RAB3C: variants seen among roughly 807,000 people sequenced by gnomAD.
RAB3C encodes ras-related protein Rab-3C.
A neutral mutation model predicts 26.4 loss-of-function variants in RAB3C; 17 were observed. The ratio of observed to expected loss-of-function variants is 0.64; its 90% CI spans 0.44 to 0.97. RAB3C has a LOEUF of 0.97. RAB3C is among the 50% of genes least tolerant of loss of function. The pLI is 0.00. For missense variants in RAB3C, 242 were observed against 281.9 expected, an observed-to-expected ratio of 0.86 and a Z score of 1.01; for synonymous variants, 91 against 95.9, an observed-to-expected ratio of 0.95 and a Z score of 0.30.
chr5:58,651,353 G>A (rs1747644977), intron 2 of RAB3C, among the ~76,000 whole-genome samples: 1 of 152,136 alleles, frequency 6.6e-6, no homozygotes, highest in Admixed American at 6.5e-5. Flanking sequence ...GAAACTGTTA[G>A]TGGTTCTTTG....
chr5:58,582,303 T>C, upstream of RAB3C: 1 of 602,916 alleles, frequency 1.7e-6, no homozygotes, highest in Non-Finnish European at 2.1e-6. Flanking sequence ...CCTTCTATTG[T>C]GTTGTGCCTT....
At position 58,853,890 on chromosome 5, in the gene RAB3C, T is replaced by C. The variant is rs1384862172; in HGVS notation, c.*2539T>C. On this transcript the variant is annotated 3_prime_UTR_variant, in exon 5 of 5. Transcript: ENST00000282878. ...GAACACTTAAATGCTCCTGCTGTAA[T>C]TGCATCAAAAAATCCGGGTTTTAAC... The C allele has an allele frequency of 1.3e-5, 2 of 152,116 alleles. No homozygotes were observed. Among genetic ancestry groups the C allele is most frequent in the African/African-American group, 2.4e-5 (1 of 41,438 alleles). 9.4% of individuals were successfully genotyped at this position (152,116 alleles called of 1,614,324 possible). A position where few individuals can be genotyped will look rare whatever the true frequency, so the allele number is the denominator to read the frequency against.
At chr5:58,637,098 C>CATT (rs1747306008) in intron 2 of RAB3C, among the ~76,000 whole-genome samples, 1 of 142,206 alleles carries the variant, frequency 7.0e-6, no homozygotes. Context: ...TTTCAAAGAA[C>CATT]TTTTTTTTTT....
At chr5:58,798,492 A>G (rs1742726120) in intron 3 of RAB3C, among the ~76,000 whole-genome samples, 1 of 152,150 alleles carries the variant, frequency 6.6e-6, no homozygotes, top group Non-Finnish European at 1.5e-5. Context: ...AAGATTCAAA[A>G]TGCTCTGAAA....
intron 2 of RAB3C, among the ~76,000 whole-genome samples, chr5:58,703,717 A>G (rs777365726): frequency 1.1e-4 from 16 of 152,108 alleles, no homozygotes; most frequent in Non-Finnish European, 1.6e-4. Flanking sequence ...ACCCTGTCCT[A>G]CTGAATATGT....
intron 2 of RAB3C, among the ~76,000 whole-genome samples, chr5:58,653,749 C>A (rs1232066554): frequency 6.6e-6 from 1 of 152,162 alleles, no homozygotes; most frequent in Non-Finnish European, 1.5e-5. Flanking sequence ...GTGATGGCCA[C>A]TGAAGCACAT....
At chr5:58,601,205 T>C (rs1432780575) in intron 1 of RAB3C, among the ~76,000 whole-genome samples, 4 of 152,176 alleles carry the variant, frequency 2.6e-5, no homozygotes, top group Non-Finnish European at 4.4e-5. Context: ...CTCTTGATCA[T>C]GGTGGATTAT....
In RAB3C at chr5:58,858,595, C is replaced by T. The variant is rs1744315748; in HGVS notation, c.*7244C>T. ...AGAGGGCTCCATTGAAGAGGTCAAA[C>T]ATAATTCCGGAAAGAATTAGGTAGT... On this transcript the variant is annotated 3_prime_UTR_variant, in exon 5 of 5. Coordinates refer to ENST00000282878, the MANE Select transcript of RAB3C (RefSeq NM_138453.4). 2 of 152,124 alleles carry T rather than the reference C, an allele frequency of 1.3e-5. No homozygotes were observed. Among genetic ancestry groups the T allele is most frequent in the African/African-American group, 4.8e-5 (2 of 41,420 alleles). The allele number at this position is 152,124 out of a possible 1,614,324, so 9.4% of individuals were successfully genotyped here. A position where few individuals can be genotyped will look rare whatever the true frequency, so the allele number is the denominator to read the frequency against.
At chr5:58,847,152 G>T (rs1371194506) in intron 4 of RAB3C, 1 of 152,178 alleles carries the variant, frequency 6.6e-6, no homozygotes, top group African/African-American at 2.4e-5. Context: ...TTAAGTGAAA[G>T]GCTTCACTGA....
chr5:58,634,904 T>C (rs1008848788), intron 2 of RAB3C, among the ~76,000 whole-genome samples: 1 of 152,154 alleles, frequency 6.6e-6, no homozygotes, highest in Non-Finnish European at 1.5e-5. Context: ...GAAGACTTAT[T>C]TCAAGATGAA....
At chr5:58,713,671 A>G (rs1447802398) in intron 2 of RAB3C, among the ~76,000 whole-genome samples, 1 of 152,230 alleles carries the variant, frequency 6.6e-6, no homozygotes, top group Non-Finnish European at 1.5e-5. Context: ...ATATAACAAG[A>G]ATCTTTAAAA....
In RAB3C at chr5:58,854,218, CTT is replaced by C. The variant is rs1383772555; in HGVS notation, c.*2868_*2869del. On this transcript the variant is annotated 3_prime_UTR_variant, in exon 5 of 5. Transcript: ENST00000282878. Reference sequence around the variant, plus strand: ...GTTTGTAAGTTATACACATTTATCTCTTGTCTTTGATTTAATTAAATTAGTGT... The same window carrying C: ...GTTTGTAAGTTATACACATTTATCTCGTCTTTGATTTAATTAAATTAGTGT... 2.0e-5 allele frequency: 3 copies of C among 152,204 alleles called. No homozygotes were observed. The highest frequency in any genetic ancestry group is 4.1e-4 in the South Asian group (2 of 4,822). 9.4% of individuals were successfully genotyped at this position (152,204 alleles called of 1,614,324 possible). A position where few individuals can be genotyped will look rare whatever the true frequency, so the allele number is the denominator to read the frequency against.
At chr5:58,851,140 T>C (rs777555154) in intron 4 of RAB3C, 24 bp from the exon 5 acceptor site, 1 of 1,567,742 alleles carries the variant, frequency 6.4e-7, no homozygotes, top group South Asian at 1.2e-5. Context: ...ATAACCAAGA[T>C]GTGTTTCTGT....
At chr5:58,776,348 A>G (rs1156632067) in intron 3 of RAB3C, among the ~76,000 whole-genome samples, 1 of 151,974 alleles carries the variant, frequency 6.6e-6, no homozygotes, top group Non-Finnish European at 1.5e-5. Context: ...TACACCTTAA[A>G]TATTGGTGTT....
intron 2 of RAB3C, among the ~76,000 whole-genome samples, chr5:58,619,227 C>A (rs1579820594): frequency 2.6e-5 from 4 of 152,092 alleles, no homozygotes; most frequent in South Asian, 2.1e-4. Context: ...TACAAGTAGA[C>A]CTTAGGCTGG....
chr5:58,617,779 C>T lies in RAB3C; in HGVS notation c.161C>T (p.Ser54Phe), dbSNP rs1216911508. 6 of 1,612,726 alleles carry T rather than the reference C, an allele frequency of 3.7e-6. No homozygotes were observed. The highest frequency in any genetic ancestry group is 1.3e-5 in the African/African-American group (1 of 74,882). The change falls in exon 2 of 5, where the codon TCC (serine) becomes TTC (phenylalanine). Residue 54 changes from serine (S) to phenylalanine (F), a missense_variant. By Grantham distance (155) the Ser-to-Phe change is radical. Coordinates refer to ENST00000282878, the MANE Select transcript of RAB3C (RefSeq NM_138453.4). ...TSFLFRYADD[S>F]FTSAFVSTVG... ...TTTCTATTCCGTTATGCAGATGACTCCTTTACATCTGCATTCGTCAGCACA... is the reference window on the plus strand; with the variant it reads ...TTTCTATTCCGTTATGCAGATGACTTCTTTACATCTGCATTCGTCAGCACA...
intron 2 of RAB3C, among the ~76,000 whole-genome samples, chr5:58,620,235 A>C (rs933651553): frequency 1.3e-5 from 2 of 152,212 alleles, no homozygotes; most frequent in African/African-American, 4.8e-5. Flanking sequence ...ATAGTAGATT[A>C]ATAGCCATTA....
intron 2 of RAB3C, among the ~76,000 whole-genome samples, chr5:58,652,582 A>G (rs1747679609): frequency 1.3e-5 from 2 of 152,042 alleles, no homozygotes. Flanking sequence ...CCAGGGTATA[A>G]CAGGAGAGAT....
At chr5:58,677,867 T>G (rs752361023) in intron 2 of RAB3C, among the ~76,000 whole-genome samples, 5 of 152,200 alleles carry the variant, frequency 3.3e-5, no homozygotes, top group African/African-American at 4.8e-5. Context: ...ATACAGTTCC[T>G]GTGACATATC....
Sources: gnomAD v4.1 joint callset for allele counts (sites outside exome capture counted in the v4.1 genomes callset) on GRCh38, gnomAD v4.1.1 for gene constraint, MANE v1.5 for transcripts, NCBI Gene and HGNC (gene_info 2026-07-23, HGNC 2026-07-21) for gene names.